Variants in NEXMIF observed in about 807,000 individuals in gnomAD.
NEXMIF encodes XLMR protein related to neurite extension.
Under a neutral mutation model 62.1 loss-of-function variants are expected in NEXMIF, and 8 were observed. That is an observed-to-expected ratio of 0.13 (90% CI 0.08 to 0.23). The LOEUF is 0.23. Ranked by LOEUF, NEXMIF falls within the 10% of genes least tolerant of loss-of-function variation. The probability of loss-of-function intolerance (pLI) is 1.00; values close to 1 mark genes in which losing one functional copy is unlikely to be tolerated. For missense variants in NEXMIF, 976 were observed against 1,113.3 expected, an observed-to-expected ratio of 0.88 and a Z score of 1.75; for synonymous variants, 404 against 416.6, an observed-to-expected ratio of 0.97 and a Z score of 0.37.
chrX:74,919,939 T>C (rs1439343217), intron 1 of NEXMIF, among the ~76,000 whole-genome samples: 2 of 111,078 alleles, frequency 1.8e-5, no homozygotes, highest in Non-Finnish European at 3.8e-5. Flanking sequence ...TCCATGTCCC[T>C]ACAAAGGACA....
chrX:74,828,507 T>C (rs1185007861), intron 1 of NEXMIF, among the ~76,000 whole-genome samples: 1 of 112,215 alleles, frequency 8.9e-6, no homozygotes, highest in African/African-American at 3.2e-5. Flanking sequence ...TCTAGGTTGG[T>C]GTTGTCATAA....
Position 74,782,862 on chromosome X carries a change from T to C in NEXMIF, c.-47-37165A>G, listed in dbSNP as rs141564325. On this transcript the variant is annotated intron_variant, in intron 1 of 3. Coordinates refer to ENST00000055682, the MANE Select transcript of NEXMIF (RefSeq NM_001008537.3). ...AGGCAGTGTGGTGGAGAATTTAAGA[T>C]AGCAGTACAGGACTAGAAGAAGATT... Among the ~76,000 whole-genome samples the C allele has an allele frequency of 9.5e-4, 106 of 112,005 alleles. 1 individual carries two copies. In the East Asian group the frequency reaches 0.026, roughly 28 times the overall value.
At chrX:74,822,883 C>T (rs780910638) in intron 1 of NEXMIF, among the ~76,000 whole-genome samples, 46 of 111,684 alleles carry the variant, frequency 4.1e-4, no homozygotes, top group African/African-American at 1.3e-3. Flanking sequence ...AACATATGTC[C>T]GCAGAAACAC....
At chrX:74,862,952 C>G (rs2080563221) in intron 1 of NEXMIF, among the ~76,000 whole-genome samples, 1 of 111,098 alleles carries the variant, frequency 9.0e-6, no homozygotes, top group African/African-American at 3.3e-5. Context: ...GGATGGATCA[C>G]TTGAGGTCAG....
Position 74,743,774 on chromosome X carries a change from G to A in NEXMIF, c.783C>T (p.Phe261=), listed in dbSNP as rs768534908. 8.0e-5 allele frequency: 97 copies of A among 1,209,254 alleles called. No homozygotes were observed. The highest frequency in any genetic ancestry group is 9.9e-5 in the Non-Finnish European group (89 of 894,859). ...TCTTACTTTCACTAATAAAAGTCTC[G>A]AAGTAACCCCAATCCTGATTGGAAT... ...LANSNQDWGY[F]ETFISESKIE... Residue 261 remains phenylalanine (F), a synonymous_variant, in exon 3 of 4, where the codon TTC becomes TTT. Coordinates refer to ENST00000055682, the MANE Select transcript of NEXMIF (RefSeq NM_001008537.3).
intron 1 of NEXMIF, among the ~76,000 whole-genome samples, chrX:74,776,961 T>C (rs2080230524): frequency 9.0e-6 from 1 of 111,105 alleles, no homozygotes; most frequent in African/African-American, 3.3e-5. Flanking sequence ...GGTTAAATTC[T>C]ACACATTAGC....
intron 1 of NEXMIF, among the ~76,000 whole-genome samples, chrX:74,887,871 C>A (rs1254786741): frequency 3.6e-5 from 4 of 111,905 alleles, no homozygotes; most frequent in Non-Finnish European, 5.6e-5. Context: ...GCACTATTCA[C>A]AATAGCAAAG....
chrX:74,802,142 C>T (rs2080331739), intron 1 of NEXMIF, among the ~76,000 whole-genome samples: 1 of 111,872 alleles, frequency 8.9e-6, no homozygotes, highest in Non-Finnish European at 1.9e-5. Flanking sequence ...AGCTCGCCAC[C>T]CTGAAGGGTA....
chrX:74,884,347 T>A (rs188035286), intron 1 of NEXMIF, among the ~76,000 whole-genome samples: 1 of 111,611 alleles, frequency 9.0e-6, no homozygotes, highest in Non-Finnish European at 1.9e-5. Flanking sequence ...AGGAACAGAC[T>A]GGCAAATTGG....
At chrX:74,901,383 A>T (rs1442465831) in intron 1 of NEXMIF, among the ~76,000 whole-genome samples, 1 of 111,842 alleles carries the variant, frequency 8.9e-6, no homozygotes, top group East Asian at 2.8e-4. Flanking sequence ...AGGTTTAATG[A>T]TAAACATATA....
At chrX:74,773,908 CAAAAAAAAAAAAAAA>C (rs61514458) in intron 1 of NEXMIF, among the ~76,000 whole-genome samples, 1 of 38,082 alleles carries the variant, frequency 2.6e-5, no homozygotes, top group African/African-American at 1.1e-4. Flanking sequence ...GACTCCGTCT[CAAAAAAAAAAAAAAA>C]AAAAAAAAAA....
intron 1 of NEXMIF, among the ~76,000 whole-genome samples, chrX:74,870,518 A>G (rs951246820): frequency 3.5e-4 from 39 of 111,809 alleles, no homozygotes; most frequent in African/African-American, 1.2e-3. Flanking sequence ...AACAATCAAC[A>G]AAGTGAAAGG....
chrX:74,856,862 G>A (rs73216280), intron 1 of NEXMIF, among the ~76,000 whole-genome samples: 11,939 of 110,264 alleles, frequency 0.11, 665 homozygotes, highest in Non-Finnish European at 0.16. Flanking sequence ...TTAGGAGAAG[G>A]AGAATGAAGC....
intron 1 of NEXMIF, among the ~76,000 whole-genome samples, chrX:74,870,270 A>T (rs2147503981): frequency 9.0e-6 from 1 of 111,275 alleles, no homozygotes; most frequent in South Asian, 3.8e-4. Context: ...ATATCCATAT[A>T]CAGAAAAAGG....
chrX:74,901,471 C>T (rs1159306146), intron 1 of NEXMIF, among the ~76,000 whole-genome samples: 1 of 111,776 alleles, frequency 8.9e-6, no homozygotes, highest in African/African-American at 3.3e-5. Flanking sequence ...ACTTTCACCA[C>T]TTGTTTTCTC....
chrX:74,826,886 T>C (rs1425042034), intron 1 of NEXMIF, among the ~76,000 whole-genome samples: 1 of 111,760 alleles, frequency 8.9e-6, no homozygotes, highest in East Asian at 2.8e-4. Context: ...AAATTTATTG[T>C]TGGGAGGATT....
intron 1 of NEXMIF, among the ~76,000 whole-genome samples, chrX:74,783,072 A>G (rs1304700439): frequency 9.0e-6 from 1 of 111,547 alleles, no homozygotes; most frequent in Non-Finnish European, 1.9e-5. Context: ...TGATATATAT[A>G]TAAATAATTA....
At chrX:74,806,690 A>G (rs973114063) in intron 1 of NEXMIF, among the ~76,000 whole-genome samples, 10 of 112,593 alleles carry the variant, frequency 8.9e-5, no homozygotes, top group African/African-American at 3.2e-4. Context: ...TAGTAGGTTA[A>G]TAGTTTTAAT....
chrX:74,823,504 A>G, intron 1 of NEXMIF, among the ~76,000 whole-genome samples: 1 of 111,890 alleles, frequency 8.9e-6, no homozygotes, highest in Non-Finnish European at 1.9e-5. Flanking sequence ...TGAGCTTTTC[A>G]TTTTCTATAA....
Sources: gnomAD v4.1 joint callset for allele counts (sites outside exome capture counted in the v4.1 genomes callset) on GRCh38, gnomAD v4.1.1 for gene constraint, MANE v1.5 for transcripts, NCBI Gene and HGNC (gene_info 2026-07-23, HGNC 2026-07-21) for gene names.